TSPAN7: variants seen among roughly 807,000 people sequenced by gnomAD.
The protein encoded by TSPAN7 is tetraspanin-7.
In TSPAN7, 1 loss-of-function variant was observed where a neutral mutation model predicts 17.6. That is an observed-to-expected ratio of 0.06 (90% confidence interval 0.02 to 0.27). The LOEUF is 0.27. Among genes scored for constraint, TSPAN7 ranks in the 10% least tolerant of loss-of-function variants. The pLI is 1.00. For missense variants in TSPAN7, 112 were observed against 201.7 expected, an observed-to-expected ratio of 0.56 and a Z score of 2.69; for synonymous variants, 78 against 79.0, an observed-to-expected ratio of 0.99 and a Z score of 0.07.
intron 1 of TSPAN7, among the ~76,000 whole-genome samples, chrX:38,594,387 G>A (rs920152708): frequency 4.5e-5 from 5 of 110,995 alleles, no homozygotes; most frequent in African/African-American, 1.6e-4. Context: ...AACACACTGG[G>A]TGATTTTATT....
intron 1 of TSPAN7, among the ~76,000 whole-genome samples, chrX:38,616,208 A>G (rs1211591960): frequency 8.9e-6 from 1 of 112,172 alleles, no homozygotes; most frequent in Non-Finnish European, 1.9e-5. Flanking sequence ...TTAACTCACC[A>G]AAGCCTCACA....
In TSPAN7 at chrX:38,650,526, A is replaced by G. The variant is rs748790957; in HGVS notation, c.82-15595A>G. On this transcript the variant is annotated intron_variant, in intron 1 of 7. Transcript: ENST00000378482. ...GGGGCTTTCCTGTGCCCAGGAAAGC[A>G]TGTCCTTGGCCATAACTTGTGTGGA... 1.0e-3 allele frequency among the ~76,000 whole-genome samples: 113 copies of G among 111,876 alleles called. 1 individual carries two copies. The highest frequency in any genetic ancestry group is 1.8e-3 in the Non-Finnish European group (98 of 53,103).
At chrX:38,660,450 A>G (rs1341128356) in intron 1 of TSPAN7, among the ~76,000 whole-genome samples, 5 of 111,689 alleles carry the variant, frequency 4.5e-5, no homozygotes, top group Non-Finnish European at 7.5e-5. Context: ...ACACACACTC[A>G]CATAAGAATC....
intron 2 of TSPAN7, 129 bp downstream of exon 2, chrX:38,666,438 C>T (rs1194499014): frequency 4.1e-5 from 29 of 701,727 alleles, no homozygotes; most frequent in Non-Finnish European, 5.6e-5. Context: ...AGACTCTTTC[C>T]TAATCCATCC....
At chrX:38,571,743 T>TA (rs111946910) in intron 1 of TSPAN7, among the ~76,000 whole-genome samples, 5,518 of 103,967 alleles carry the variant, frequency 0.053, 294 homozygotes, top group African/African-American at 0.16. Context: ...GTGTGTGAGT[T>TA]AAAAAAAAAA....
At chrX:38,620,642 GAC>G (rs934785072) in intron 1 of TSPAN7, among the ~76,000 whole-genome samples, 2 of 111,573 alleles carry the variant, frequency 1.8e-5, no homozygotes, top group Non-Finnish European at 3.8e-5. Context: ...ACAAGGTGTG[GAC>G]AGTTCCTCTG....
intron 1 of TSPAN7, among the ~76,000 whole-genome samples, chrX:38,659,233 A>G (rs746980461): frequency 9.9e-5 from 11 of 111,603 alleles, no homozygotes; most frequent in Non-Finnish European, 7.5e-5. Context: ...CTACAAACGC[A>G]TGTCCTGCTG....
chrX:38,621,136 A>G (rs1242407165), intron 1 of TSPAN7, among the ~76,000 whole-genome samples: 2 of 112,479 alleles, frequency 1.8e-5, no homozygotes, highest in African/African-American at 6.5e-5. Context: ...TATGAGGACT[A>G]GATATCAGCA....
intron 1 of TSPAN7, chrX:38,570,965 T>C (rs773194254): frequency 2.7e-5 from 3 of 112,535 alleles, no homozygotes; most frequent in Non-Finnish European, 5.6e-5. Flanking sequence ...TTTATTTATT[T>C]GTTTATTGCC....
chrX:38,570,250 A>G (rs1439090587), intron 1 of TSPAN7, among the ~76,000 whole-genome samples: 1 of 111,981 alleles, frequency 8.9e-6, no homozygotes, highest in Admixed American at 9.4e-5. Context: ...CTTTTACTAC[A>G]GTGATAACCC....
intron 2 of TSPAN7, among the ~76,000 whole-genome samples, chrX:38,666,585 CCT>C (rs1368192889): frequency 1.1e-5 from 1 of 87,092 alleles, no homozygotes; most frequent in Non-Finnish European, 2.2e-5. Context: ...GACAAGATGC[CCT>C]GTTTCTTTTC....
At chrX:38,565,650 A>G (rs1569300516) in intron 1 of TSPAN7, among the ~76,000 whole-genome samples, 2 of 112,611 alleles carry the variant, frequency 1.8e-5, no homozygotes, top group Admixed American at 9.3e-5. Flanking sequence ...ATTTAGAACT[A>G]GAAGGCATTT....
intron 1 of TSPAN7, among the ~76,000 whole-genome samples, chrX:38,647,176 A>C: frequency 8.9e-6 from 1 of 112,642 alleles, no homozygotes; most frequent in African/African-American, 3.2e-5. Flanking sequence ...TTTGCTAGTT[A>C]AAATCCTTCA....
At chrX:38,651,901 A>G (rs2069678069) in intron 1 of TSPAN7, among the ~76,000 whole-genome samples, 1 of 112,232 alleles carries the variant, frequency 8.9e-6, no homozygotes, top group Non-Finnish European at 1.9e-5. Flanking sequence ...TAGTTTTTGT[A>G]AATTTATCTT....
intron 1 of TSPAN7, among the ~76,000 whole-genome samples, chrX:38,616,122 G>T (rs2069454527): frequency 8.9e-6 from 1 of 112,264 alleles, no homozygotes; most frequent in African/African-American, 3.2e-5. Flanking sequence ...TGTAATTGTG[G>T]GTTCTGATCA....
chrX:38,646,387 G>A lies in TSPAN7; in HGVS notation c.82-19734G>A, dbSNP rs897419090. 4 of 984,098 alleles carry A rather than the reference G, an allele frequency of 4.1e-6. No individual in the cohort carries two copies. The African/African-American group carries it at 7.7e-5, about 19-fold the overall frequency. 81.1% of individuals were successfully genotyped at this position (984,098 alleles called of 1,213,427 possible). ...AGCTGTGGGATTTTGTGAAGGTAGT[G>A]TTTGTTTTTACTCTCCCTGAAGTGG... On this transcript the variant is annotated intron_variant, in intron 1 of 7. Coordinates refer to ENST00000378482, the MANE Select transcript of TSPAN7 (RefSeq NM_004615.4).
chrX:38,598,961 T>G (rs1053296015), intron 1 of TSPAN7, among the ~76,000 whole-genome samples: 2 of 112,148 alleles, frequency 1.8e-5, no homozygotes, highest in African/African-American at 6.5e-5. Context: ...ATTAATGCAA[T>G]GAAGTATTCA....
intron 3 of TSPAN7, 124 bp from the exon 4 acceptor site, chrX:38,674,097 C>T (rs1431744830): frequency 3.6e-6 from 2 of 555,667 alleles, no homozygotes; most frequent in Admixed American, 2.7e-5. Context: ...TGGGGCATTG[C>T]CTCCCTGGCC....
rs747950902 is a variant in TSPAN7 at position 38,678,353 on chromosome X, T to A, written c.597+2493T>A. Reference sequence around the variant, plus strand: ...GTTAAAGTCGGTCACTTGCAGATGTTTTCCATTGGTGACTATTGATTTAGA... The same window carrying A: ...GTTAAAGTCGGTCACTTGCAGATGTATTCCATTGGTGACTATTGATTTAGA... On this transcript the variant is annotated intron_variant, in intron 5 of 7. Coordinates refer to ENST00000378482, the MANE Select transcript of TSPAN7 (RefSeq NM_004615.4). 3.6e-5 allele frequency among the ~76,000 whole-genome samples: 4 copies of A among 112,237 alleles called. No homozygotes were observed. In the East Asian group the frequency reaches 1.1e-3, roughly 31 times the overall value.
Sources: allele counts gnomAD v4.1 joint callset (sites outside exome capture counted in the v4.1 genomes callset), GRCh38; gene constraint gnomAD v4.1.1; transcripts MANE v1.5; gene names NCBI Gene and HGNC (gene_info 2026-07-23, HGNC 2026-07-21).